The following KIF18A variants were observed in gnomAD, a reference collection of about 807,000 sequenced individuals.
KIF18A encodes the protein kinesin family member 18A.
KIF18A carries 67 observed loss-of-function variants against 103.3 expected under a neutral mutation model. That is an observed-to-expected ratio of 0.65 (90% CI 0.53 to 0.79). The LOEUF (loss-of-function observed/expected upper bound fraction) is 0.79, where lower values mean the gene tolerates loss of function less well. Among genes scored for constraint, KIF18A ranks in the 30% least tolerant of loss-of-function variants. The pLI is 0.00. For synonymous variants in KIF18A, 367 were observed against 355.5 expected, an observed-to-expected ratio of 1.03 and a Z score of -0.36; for missense variants, 1,032 against 1,062.5, an observed-to-expected ratio of 0.97 and a Z score of 0.40.
chr11:28,048,332 G>T, intron 13 of KIF18A, among the ~76,000 whole-genome samples: 1 of 152,098 alleles, frequency 6.6e-6, no homozygotes, highest in East Asian at 1.9e-4. Flanking sequence ...ATTTAATGGG[G>T]TGTCGCTTGT....
intron 6 of KIF18A, 80 bp from the exon 7 acceptor site, chr11:28,084,888 G>C (rs139247803): frequency 5.5e-6 from 6 of 1,088,446 alleles, no homozygotes; most frequent in Admixed American, 2.0e-5. Context: ...CTTCACTGTG[G>C]GGGGAGGATT....
At chr11:28,068,213 T>C (rs1178429162) in intron 11 of KIF18A, among the ~76,000 whole-genome samples, 2 of 151,298 alleles carry the variant, frequency 1.3e-5, no homozygotes, top group East Asian at 1.9e-4. Flanking sequence ...CAAGTGGGAG[T>C]TGAACAATGA....
intron 11 of KIF18A, among the ~76,000 whole-genome samples, chr11:28,066,849 T>C (rs1850936700): frequency 6.7e-6 from 1 of 149,674 alleles, no homozygotes; most frequent in African/African-American, 2.4e-5. Context: ...CAGTTAACTC[T>C]GTTGTTAACT....
intron 1 of KIF18A, among the ~76,000 whole-genome samples, chr11:28,107,116 G>A (rs1484027033): frequency 1.3e-5 from 2 of 152,116 alleles, no homozygotes; most frequent in African/African-American, 4.8e-5. Flanking sequence ...TTAATAAGAA[G>A]CACTATCTAG....
intron 3 of KIF18A, among the ~76,000 whole-genome samples, chr11:28,092,770 C>T (rs1367091894): frequency 1.3e-5 from 2 of 152,134 alleles, no homozygotes. Flanking sequence ...CAATTCTCTA[C>T]AATGAATGAT....
chr11:28,094,408 A>G (rs541126138), intron 3 of KIF18A, among the ~76,000 whole-genome samples: 6 of 152,188 alleles, frequency 3.9e-5, no homozygotes, highest in Non-Finnish European at 8.8e-5. Flanking sequence ...GGGGATCTGT[A>G]TGAAGGGTAT....
In KIF18A at chr11:28,084,737, G is replaced by A. The variant is rs769762780; in HGVS notation, c.969C>T (p.Asn323=). The change falls in exon 7 of 17, where the codon AAC becomes AAT. Residue 323 remains asparagine, a synonymous_variant. Coordinates refer to ENST00000263181, the MANE Select transcript of KIF18A (RefSeq NM_031217.4). ...CAGCAGCTATCATTATAGTTTGACAGTTTCCTCCAAGAGAATCCTTTAACA... is the reference window on the plus strand; with the variant it reads ...CAGCAGCTATCATTATAGTTTGACAATTTCCTCCAAGAGAATCCTTTAACA... ...TRLLKDSLGG[N]CQTIMIAAVS... The A allele has an allele frequency of 3.4e-5, 55 of 1,612,072 alleles. No individual in the cohort carries two copies. Among genetic ancestry groups the A allele is most frequent in the Non-Finnish European group, 4.5e-5 (53 of 1,178,328 alleles).
chr11:28,059,692 A>G (rs1454850420), intron 12 of KIF18A, among the ~76,000 whole-genome samples: 2 of 152,114 alleles, frequency 1.3e-5, no homozygotes, highest in African/African-American at 2.4e-5. Flanking sequence ...TCCACCTCCC[A>G]AAGTGCTGGG....
At chr11:28,060,031 T>G (rs1027100241) in intron 12 of KIF18A, among the ~76,000 whole-genome samples, 2 of 152,156 alleles carry the variant, frequency 1.3e-5, no homozygotes, top group Non-Finnish European at 2.9e-5. Flanking sequence ...GTATAAATAA[T>G]CGTTAGGGCA....
chr11:28,076,919 A>G, intron 10 of KIF18A, 88 bp downstream of exon 10: 1 of 682,078 alleles, frequency 1.5e-6, no homozygotes, highest in Non-Finnish European at 2.2e-6. Context: ...GGGCAACAGA[A>G]GAAGAGACTC....
At chr11:28,079,094 T>C (rs1851129969) in intron 9 of KIF18A, among the ~76,000 whole-genome samples, 1 of 152,086 alleles carries the variant, frequency 6.6e-6, no homozygotes, top group African/African-American at 2.4e-5. Context: ...TAAATACTTA[T>C]TTCATAGCTC....
rs143431872 is a variant in KIF18A at position 28,065,469 on chromosome 11, G to A, written c.1591-2953C>T. 4.4e-3 allele frequency among the ~76,000 whole-genome samples: 671 copies of A among 152,068 alleles called. 6 individuals are homozygous for A. The highest frequency in any genetic ancestry group is 0.014 in the African/African-American group (579 of 41,514). ...AAAATCAATTCCAGGTTCACATTCA[G>A]GTGTACAAAAGTTCTTCGTAAGAGA... is the stretch of plus-strand genomic sequence containing the variant. On this transcript the variant is annotated intron_variant, in intron 11 of 16. Transcript: ENST00000263181.
rs1172501199 is a variant in KIF18A, at chr11:28,069,325, A to C, written c.1524T>G (p.Asn508Lys). 6.2e-7 allele frequency: 1 copy of C among 1,613,508 alleles called. No homozygotes were observed. The change falls in exon 11 of 17, where the codon AAT becomes AAG. Residue 508 changes from asparagine to lysine, a missense_variant. Coordinates refer to ENST00000263181, the MANE Select transcript of KIF18A (RefSeq NM_031217.4). ...TTTCGACACGATGGAGCCAATTAGT[A>C]TTCTCATCAAATTGCTTCAATTCCT... is the stretch of plus-strand genomic sequence containing the variant. ...REEELKQFDE[N>K]TNWLHRVEKE...
chr11:28,045,921 C>T (rs1426249384), intron 13 of KIF18A, among the ~76,000 whole-genome samples: 2 of 151,532 alleles, frequency 1.3e-5, no homozygotes, highest in East Asian at 1.9e-4. Context: ...GACATTTATG[C>T]AGCCAAAAAA....
At chr11:28,028,465 G>A (rs1850349962) in intron 15 of KIF18A, among the ~76,000 whole-genome samples, 2 of 152,080 alleles carry the variant, frequency 1.3e-5, no homozygotes, top group Non-Finnish European at 1.5e-5. Flanking sequence ...AAATAAAGAC[G>A]TTCTTTGAAA....
intron 11 of KIF18A, among the ~76,000 whole-genome samples, chr11:28,067,195 C>A (rs1187034687): frequency 6.6e-6 from 1 of 151,958 alleles, no homozygotes; most frequent in Non-Finnish European, 1.5e-5. Flanking sequence ...TTTTAAAGTG[C>A]CTTACAAACT....
intron 13 of KIF18A, among the ~76,000 whole-genome samples, chr11:28,049,522 A>AG (rs1281419669): frequency 6.6e-6 from 1 of 152,058 alleles, no homozygotes; most frequent in African/African-American, 2.4e-5. Context: ...TTTAGCAAAC[A>AG]TGAGTCATAG....
intron 15 of KIF18A, among the ~76,000 whole-genome samples, chr11:28,031,532 G>T (rs1850408267): frequency 1.3e-5 from 2 of 152,058 alleles, no homozygotes; most frequent in South Asian, 4.1e-4. Context: ...GGCCTGTTGT[G>T]GGGTAGGGGG....
chr11:28,090,885 TTG>T (rs1187848334), intron 4 of KIF18A, among the ~76,000 whole-genome samples, 158 bp from the exon 5 acceptor site: 1 of 152,200 alleles, frequency 6.6e-6, no homozygotes, highest in African/African-American at 2.4e-5. Flanking sequence ...CTGCTTAGTA[TTG>T]TGTGTGTTTA....
Sources: allele counts gnomAD v4.1 joint callset (sites outside exome capture counted in the v4.1 genomes callset), GRCh38; gene constraint gnomAD v4.1.1; transcripts MANE v1.5; gene names NCBI Gene and HGNC (gene_info 2026-07-23, HGNC 2026-07-21).